The following CSNK1D variants were observed in gnomAD, a reference collection of about 807,000 sequenced individuals.
CSNK1D encodes the protein casein kinase 1 delta.
In CSNK1D, 16 loss-of-function variants were observed where a neutral mutation model predicts 46.6. That is an observed-to-expected ratio of 0.34 (90% CI 0.23 to 0.52). CSNK1D has a LOEUF of 0.52. CSNK1D is among the 20% of genes least tolerant of loss of function. CSNK1D has a pLI of 0.95. For synonymous variants in CSNK1D, 276 were observed against 228.2 expected (o/e 1.21, Z -1.89); for missense variants, 398 against 578.4 (o/e 0.69, Z 3.20).
At chr17:82,258,804 C>T (rs2051250923) in intron 2 of CSNK1D, among the ~76,000 whole-genome samples, 1 of 152,234 alleles carries the variant, frequency 6.6e-6, no homozygotes, top group East Asian at 1.9e-4. Flanking sequence ...ATGATAAATA[C>T]TTAGAAACCC....
intron 2 of CSNK1D, among the ~76,000 whole-genome samples, chr17:82,265,132 A>G (rs2051435416): frequency 6.6e-6 from 1 of 150,756 alleles, no homozygotes; most frequent in Non-Finnish European, 1.5e-5. Flanking sequence ...AGAAACCATG[A>G]CCCAATATGA....
intron 2 of CSNK1D, among the ~76,000 whole-genome samples, chr17:82,259,608 G>A (rs1240999977): frequency 1.3e-5 from 2 of 152,274 alleles, no homozygotes; most frequent in African/African-American, 4.8e-5. Flanking sequence ...GTGCTGGCAT[G>A]TGTGCCCCAG....
At chr17:82,245,928 C>T in intron 8 of CSNK1D, 9 of 1,556,292 alleles carry the variant, frequency 5.8e-6, no homozygotes, top group Non-Finnish European at 7.8e-6. Context: ...CATGGTGGCT[C>T]CCACCCACCT....
At chr17:82,253,389 C>T (rs892102560) in intron 3 of CSNK1D, 145 bp from the exon 4 acceptor site, 23 of 745,686 alleles carry the variant, frequency 3.1e-5, no homozygotes, top group African/African-American at 1.0e-4. Flanking sequence ...AGGGGGATGC[C>T]GAACTGACCA....
At chr17:82,254,998 C>G (rs1209636568) in intron 3 of CSNK1D, 4 of 347,388 alleles carry the variant, frequency 1.2e-5, no homozygotes, top group Non-Finnish European at 2.1e-5. Context: ...TCAGCTGAGC[C>G]GCCGGAGCCT....
intron 8 of CSNK1D, chr17:82,245,041 G>C (rs577919007): frequency 1.5e-6 from 1 of 671,248 alleles, no homozygotes; most frequent in East Asian, 2.7e-5. Flanking sequence ...GAAGGAGGAA[G>C]AGGCATGCAA....
chr17:82,249,998 G>A lies in CSNK1D; in HGVS notation c.886-396C>T. 4.1e-6 allele frequency: 5 copies of A among 1,232,940 alleles called. No individual in the cohort carries two copies. Among genetic ancestry groups the A allele is most frequent in the Non-Finnish European group, 4.2e-6 (4 of 963,596 alleles). The allele number at this position is 1,232,940 out of a possible 1,614,324, so 76.4% of individuals were successfully genotyped here. A position where few individuals can be genotyped will look rare whatever the true frequency, so the allele number is the denominator to read the frequency against. On this transcript the variant is annotated intron_variant, in intron 6 of 8. Coordinates refer to ENST00000314028, the MANE Select transcript of CSNK1D (RefSeq NM_001893.6). The surrounding 1 kb of genome is among the most constrained non-coding windows in gnomAD (Gnocchi z 6.7). ...GGCCCCAAATGGTGACAGCTGGGGA[G>A]GAAAGCGGGGTGGGGATGAGAGCGT...
rs1304912145 is a variant in CSNK1D at position 82,243,091 on chromosome 17, TCC to T, written c.*1688_*1689del. 4 of 985,186 alleles carry T rather than the reference TCC, an allele frequency of 4.1e-6. No homozygotes were observed. In the African/African-American group the frequency reaches 7.0e-5, roughly 17 times the overall value. The allele number at this position is 985,186 out of a possible 1,614,324, so 61.0% of individuals were successfully genotyped here. A position where few individuals can be genotyped will look rare whatever the true frequency, so the allele number is the denominator to read the frequency against. On this transcript the variant is annotated 3_prime_UTR_variant, in exon 9 of 9. Transcript: ENST00000314028. Reference sequence around the variant, plus strand: ...CTCCCTCTGTACTTCAACACACAGCTCCCACCCGCTCAAGGCCCCGTACTCCA... The same window carrying T: ...CTCCCTCTGTACTTCAACACACAGCTCACCCGCTCAAGGCCCCGTACTCCA...
At chr17:82,258,888 TATC>T (rs1369417792) in intron 2 of CSNK1D, among the ~76,000 whole-genome samples, 1 of 152,222 alleles carries the variant, frequency 6.6e-6, no homozygotes, top group Non-Finnish European at 1.5e-5. Flanking sequence ...CCACACAAAG[TATC>T]ATCACGACAG....
In CSNK1D at chr17:82,273,406, T is replaced by C. The variant is rs771595041; in HGVS notation, c.-25A>G. ...TGGCGGCGGCGGCCCGATTCGCTCCTGCCCTCCCGGCCGCTTCCTGGGTCT... is the reference window on the plus strand; with the variant it reads ...TGGCGGCGGCGGCCCGATTCGCTCCCGCCCTCCCGGCCGCTTCCTGGGTCT... On this transcript the variant is annotated 5_prime_UTR_variant, in exon 1 of 9. Transcript: ENST00000314028. The surrounding 1 kb of genome is among the most constrained non-coding windows in gnomAD (Gnocchi z 5.1). 1.2e-6 allele frequency: 2 copies of C among 1,609,772 alleles called. No homozygotes were observed. The highest frequency in any genetic ancestry group is 1.7e-6 in the Non-Finnish European group (2 of 1,179,056).
rs543446453 is a variant in CSNK1D at position 82,250,475 on chromosome 17, C to T, written c.886-873G>A. On this transcript the variant is annotated intron_variant, in intron 6 of 8. Coordinates refer to ENST00000314028, the MANE Select transcript of CSNK1D (RefSeq NM_001893.6). This position sits in a 1 kb window ranked among gnomAD's most constrained non-coding sequence, Gnocchi z 4.6. ...GATTCCTCCCGAGGCAGCACAGCCCCGGCAGAGGGACTGATCTGCCCTGCC... is the reference window on the plus strand; with the variant it reads ...GATTCCTCCCGAGGCAGCACAGCCCTGGCAGAGGGACTGATCTGCCCTGCC... 44 of 320,706 alleles carry T rather than the reference C, an allele frequency of 1.4e-4. 3 individuals carry two copies. Among genetic ancestry groups the T allele is most frequent in the South Asian group, 9.0e-4 (38 of 42,364 alleles). The allele number at this position is 320,706 out of a possible 1,614,324, so 19.9% of individuals were successfully genotyped here.
chr17:82,249,526 G>A lies in CSNK1D; in HGVS notation c.962C>T (p.Pro321Leu), dbSNP rs1434506934. 9.1e-6 allele frequency: 14 copies of A among 1,545,090 alleles called. No individual in the cohort carries two copies. Among genetic ancestry groups the A allele is most frequent in the East Asian group, 2.4e-5 (1 of 41,216 alleles). ...REERLRHSRN[P>L]ATRGLPSTAS... ...TGTGGAAGGGAGGCCGCGGGTAGCCGGGTTCCGCGAGTGTCTCAGCCGCTC... is the reference window on the plus strand; with the variant it reads ...TGTGGAAGGGAGGCCGCGGGTAGCCAGGTTCCGCGAGTGTCTCAGCCGCTC... The change falls in exon 7 of 9, where the codon CCG becomes CTG. Residue 321 changes from proline to leucine, a missense_variant. By Grantham distance (98) the Pro-to-Leu change is moderately conservative (BLOSUM62 -3). Transcript: ENST00000314028. This position sits in a 1 kb window ranked among gnomAD's most constrained non-coding sequence, Gnocchi z 6.7.
downstream of CSNK1D, chr17:82,239,986 C>T (rs959641111): frequency 1.9e-5 from 24 of 1,233,408 alleles, no homozygotes; most frequent in Admixed American, 5.5e-4. Flanking sequence ...TCAGTAGGTG[C>T]GTCGTGGGCG....
chr17:82,249,322 C>T lies in CSNK1D; in HGVS notation c.1057+109G>A. 1 of 1,200,958 alleles carries T rather than the reference C, an allele frequency of 8.3e-7. No individual in the cohort carries two copies. The highest frequency in any genetic ancestry group is 1.4e-5 in the South Asian group (1 of 73,768). The allele number at this position is 1,200,958 out of a possible 1,614,324, so 74.4% of individuals were successfully genotyped here. On this transcript the variant is annotated intron_variant, in intron 7 of 8. Coordinates refer to ENST00000314028, the MANE Select transcript of CSNK1D (RefSeq NM_001893.6). The surrounding 1 kb of genome is among the most constrained non-coding windows in gnomAD (Gnocchi z 6.7). The stretch of plus-strand genomic sequence containing the variant: ...ACCCTCAGGAGCGAGCATCGCCTGA[C>T]ACAGGGCACTTAGTGTCCACCACCA...
chr17:82,246,045 G>C, intron 8 of CSNK1D: 2 of 1,608,042 alleles, frequency 1.2e-6, no homozygotes, highest in Non-Finnish European at 1.7e-6. Flanking sequence ...CTATTCTGAG[G>C]TGGGGAAAAG....
In CSNK1D at chr17:82,242,767, A is replaced by G. The variant is rs938669690; in HGVS notation, c.*2014T>C. On this transcript the variant is annotated 3_prime_UTR_variant, in exon 9 of 9. Transcript: ENST00000314028. ...CAGCTCGGAGACTGGCCGTCAGTGC[A>G]CAGCTGACACGACGTCCTACCTACG... The G allele has an allele frequency of 1.6e-5, 16 of 985,454 alleles. No individual in the cohort carries two copies. The highest frequency in any genetic ancestry group is 1.9e-5 in the Non-Finnish European group (16 of 829,926). 61.0% of individuals were successfully genotyped at this position (985,454 alleles called of 1,614,324 possible).
chr17:82,265,741 G>A lies in CSNK1D; in HGVS notation c.132C>T (p.Thr44=), dbSNP rs1249256980. Residue 44 remains threonine, a synonymous_variant, in exon 2 of 9, where the codon ACC becomes ACT. Coordinates refer to ENST00000314028, the MANE Select transcript of CSNK1D (RefSeq NM_001893.6). ...TCTCAATGTGGAGCTGAGGGTGTTTGGTTTTGACACATTCAAGCTTGATGG... is the reference window on the plus strand; with the variant it reads ...TCTCAATGTGGAGCTGAGGGTGTTTAGTTTTGACACATTCAAGCTTGATGG... ...EVAIKLECVK[T]KHPQLHIESK... 3.7e-6 allele frequency: 6 copies of A among 1,614,062 alleles called. No homozygotes were observed. In the South Asian group the frequency reaches 4.4e-5, roughly 12 times the overall value.
Position 82,244,322 on chromosome 17 carries a change from TAAGACTGC to T in CSNK1D, c.*451_*458del. 9.1e-7 allele frequency: 1 copy of T among 1,102,038 alleles called. No homozygotes were observed. Among genetic ancestry groups the T allele is most frequent in the Non-Finnish European group, 1.1e-6 (1 of 896,796 alleles). The allele number at this position is 1,102,038 out of a possible 1,614,324, so 68.3% of individuals were successfully genotyped here. A position where few individuals can be genotyped will look rare whatever the true frequency, so the allele number is the denominator to read the frequency against. ...AATTCCTTAGTCAACATTTTTTTTG[TAAGACTGC>T]AAAAACAGACAAGAAACAATAAAAA... On this transcript the variant is annotated 3_prime_UTR_variant, in exon 9 of 9. Coordinates refer to ENST00000314028, the MANE Select transcript of CSNK1D (RefSeq NM_001893.6).
intron 3 of CSNK1D, chr17:82,253,609 G>A (rs866672714): frequency 7.4e-5 from 27 of 362,568 alleles, no homozygotes; most frequent in Middle Eastern, 1.9e-3. Context: ...TAGGAATCAC[G>A]TGTGTTCCTG....
Sources: gnomAD v4.1 joint callset for allele counts (sites outside exome capture counted in the v4.1 genomes callset) on GRCh38, gnomAD v4.1.1 for gene constraint, Gnocchi (gnomAD v3.1) non-coding constraint, MANE v1.5 for transcripts, NCBI Gene and HGNC (gene_info 2026-07-23, HGNC 2026-07-21) for gene names.